Variants in UHRF2 observed in about 807,000 individuals in gnomAD.
UHRF2 encodes ubiquitin like with PHD and ring finger domains 2.
UHRF2 carries 23 observed loss-of-function variants against 96.8 expected under a neutral mutation model. The observed-to-expected ratio is 0.24, with a 90% CI of 0.17 to 0.34. UHRF2 has a LOEUF of 0.34. UHRF2 is among the 10% of genes least tolerant of loss of function. The pLI is 1.00. For synonymous variants in UHRF2, 385 were observed against 332.6 expected (o/e 1.16, Z -1.72); for missense variants, 685 against 981.5 (o/e 0.70, Z 4.04).
intron 9 of UHRF2, among the ~76,000 whole-genome samples, chr9:6,489,690 C>T (rs1193135343): frequency 6.8e-6 from 1 of 147,670 alleles, no homozygotes; most frequent in Non-Finnish European, 1.5e-5. Context: ...AGTAGTATAG[C>T]ACTTCAGGTT....
chr9:6,454,921 A>G (rs1029340804), intron 3 of UHRF2, among the ~76,000 whole-genome samples: 3 of 152,196 alleles, frequency 2.0e-5, no homozygotes, highest in African/African-American at 7.2e-5. Context: ...CCTCATTTCC[A>G]GAGTTTCTGA....
intron 4 of UHRF2, among the ~76,000 whole-genome samples, chr9:6,471,647 C>G (rs1043915370): frequency 2.6e-5 from 4 of 152,178 alleles, no homozygotes; most frequent in African/African-American, 9.7e-5. Context: ...TGACCAATGG[C>G]TTAACTGCAA....
At chr9:6,465,640 T>C (rs985444155) in intron 4 of UHRF2, among the ~76,000 whole-genome samples, 8 of 152,216 alleles carry the variant, frequency 5.3e-5, no homozygotes, top group African/African-American at 1.9e-4. Flanking sequence ...TATTTCTGAA[T>C]TTAGTTTGTG....
chr9:6,421,187 A>T, intron 2 of UHRF2, 45 bp downstream of exon 2: 1 of 1,399,744 alleles, frequency 7.1e-7, no homozygotes, highest in Non-Finnish European at 9.8e-7. Context: ...ATACAAATAA[A>T]TTTATTTTCT....
intron 3 of UHRF2, among the ~76,000 whole-genome samples, chr9:6,449,073 C>T (rs919615730): frequency 6.6e-6 from 1 of 152,148 alleles, no homozygotes; most frequent in East Asian, 1.9e-4. Flanking sequence ...AAGTCCTGAA[C>T]CTTATATGAT....
chr9:6,453,227 A>G (rs1169970712), intron 3 of UHRF2, among the ~76,000 whole-genome samples: 2 of 152,234 alleles, frequency 1.3e-5, no homozygotes, highest in Non-Finnish European at 2.9e-5. Flanking sequence ...ATAACTGTAT[A>G]TACAATTTTA....
At chr9:6,504,754 G>C in intron 15 of UHRF2, 63 bp downstream of exon 15, 1 of 1,309,734 alleles carries the variant, frequency 7.6e-7, no homozygotes, top group South Asian at 1.3e-5. Context: ...TTCTATACCT[G>C]TTTTTAGCAT....
At chr9:6,430,984 AT>A (rs1278061748) in intron 2 of UHRF2, among the ~76,000 whole-genome samples, 1 of 152,154 alleles carries the variant, frequency 6.6e-6, no homozygotes, top group Non-Finnish European at 1.5e-5. Context: ...TTTGTCTGCT[AT>A]TTTGCTACTC....
At chr9:6,479,217 T>C (rs902593853) in intron 6 of UHRF2, among the ~76,000 whole-genome samples, 42 of 152,204 alleles carry the variant, frequency 2.8e-4, no homozygotes, top group African/African-American at 1.0e-3. Context: ...TTTCCTCTCC[T>C]ATTCATACTT....
In UHRF2 at chr9:6,477,614, C is replaced by A. The variant is rs760458160; in HGVS notation, c.974-8C>A. The A allele has an allele frequency of 6.3e-7, 1 of 1,590,546 alleles. No individual in the cohort carries two copies. The highest frequency in any genetic ancestry group is 8.6e-7 in the Non-Finnish European group (1 of 1,167,642). On this transcript the variant is annotated splice_region_variant and splice_polypyrimidine_tract_variant and intron_variant, in intron 5 of 15. Transcript: ENST00000276893. ...AGACTAGACTTGCTATAATTTTGTT[C>A]TTAATAGGGCGAAATGACCCTGAAT...
At chr9:6,468,937 C>T (rs141300134) in intron 4 of UHRF2, among the ~76,000 whole-genome samples, 1 of 152,182 alleles carries the variant, frequency 6.6e-6, no homozygotes, top group Non-Finnish European at 1.5e-5. Flanking sequence ...GTTGAACTTT[C>T]CTTTATATAA....
chr9:6,425,969 T>C (rs946104855), intron 2 of UHRF2, among the ~76,000 whole-genome samples: 2 of 152,232 alleles, frequency 1.3e-5, no homozygotes, highest in East Asian at 3.8e-4. Context: ...GGCCAGAGTT[T>C]AGAAGCTGCT....
At chr9:6,482,233 G>C (rs377308216) in intron 8 of UHRF2, 134 bp downstream of exon 8, 1 of 730,970 alleles carries the variant, frequency 1.4e-6, no homozygotes, top group Non-Finnish European at 2.3e-6. Flanking sequence ...TTTTAGGATG[G>C]GTGTACTCTT....
chr9:6,490,034 T>C (rs189414819), intron 9 of UHRF2, among the ~76,000 whole-genome samples: 43 of 152,342 alleles, frequency 2.8e-4, no homozygotes, highest in Admixed American at 1.3e-3. Context: ...AAAGATGTTA[T>C]ATAGTTTATT....
intron 8 of UHRF2, among the ~76,000 whole-genome samples, chr9:6,482,438 G>A (rs190561052): frequency 6.6e-6 from 1 of 152,130 alleles, no homozygotes; most frequent in African/African-American, 2.4e-5. Flanking sequence ...ATTGAATGTC[G>A]TGGAACTCTA....
intron 8 of UHRF2, among the ~76,000 whole-genome samples, chr9:6,482,880 C>T (rs370973765): frequency 5.3e-5 from 8 of 152,252 alleles, no homozygotes; most frequent in East Asian, 1.9e-4. Flanking sequence ...CCACTGCGCC[C>T]GGCCTGGCTT....
At chr9:6,504,100 A>G (rs1420916356) in intron 14 of UHRF2, among the ~76,000 whole-genome samples, 2 of 135,396 alleles carry the variant, frequency 1.5e-5, no homozygotes, top group African/African-American at 5.8e-5. Flanking sequence ...ATCTCAGCTC[A>G]CTGCAAGCTC....
intron 8 of UHRF2, among the ~76,000 whole-genome samples, chr9:6,485,733 G>T (rs1824234410): frequency 6.8e-6 from 1 of 146,764 alleles, no homozygotes; most frequent in Non-Finnish European, 1.5e-5. Context: ...GGGGGCTGAG[G>T]CTGGAGGATT....
At chr9:6,468,766 G>A (rs759113138) in intron 4 of UHRF2, 3 of 447,802 alleles carry the variant, frequency 6.7e-6, no homozygotes, top group East Asian at 7.0e-5. Context: ...GGTAACTGGT[G>A]TAATGGCTCC....
Sources: allele counts gnomAD v4.1 joint callset (sites outside exome capture counted in the v4.1 genomes callset), GRCh38; gene constraint gnomAD v4.1.1; transcripts MANE v1.5; gene names NCBI Gene and HGNC (gene_info 2026-07-23, HGNC 2026-07-21).